The following COL11A1 variants were observed in gnomAD, a reference collection of about 807,000 sequenced individuals.
The protein encoded by COL11A1 is collagen alpha-1(XI) chain.
In COL11A1, 74 loss-of-function variants were observed where a neutral mutation model predicts 265.2. The observed-to-expected ratio is 0.28, with a 90% CI of 0.23 to 0.34. The LOEUF is 0.34. Among genes scored for constraint, COL11A1 ranks in the 10% least tolerant of loss-of-function variants. COL11A1 has a pLI of 1.00. For missense variants in COL11A1, 2,165 were observed against 2,263.6 expected (o/e 0.96, Z 0.88); for synonymous variants, 816 against 727.6 (o/e 1.12, Z -1.96).
intron 1 of COL11A1, among the ~76,000 whole-genome samples, chr1:103,089,396 C>T (rs1304596895): frequency 1.3e-5 from 2 of 152,152 alleles, no homozygotes; most frequent in African/African-American, 2.4e-5. Context: ...TCACCCTACA[C>T]TATTTTGTTC....
chr1:103,060,672 A>G (rs1361291064), intron 4 of COL11A1, among the ~76,000 whole-genome samples: 1 of 152,156 alleles, frequency 6.6e-6, no homozygotes, highest in East Asian at 1.9e-4. Context: ...GTTCATATTT[A>G]AAAACCTAGC....
In COL11A1 at chr1:103,034,718, T is replaced by C. The variant is rs538839765; in HGVS notation, c.652-3474A>G. Among the ~76,000 whole-genome samples, 41 of 152,178 alleles carry C rather than the reference T, an allele frequency of 2.7e-4. No individual in the cohort carries two copies. In the South Asian group the frequency reaches 8.3e-3, roughly 31 times the overall value. The stretch of plus-strand genomic sequence containing the variant: ...TCAAGGACAGATCCTCTTAACTGTT[T>C]TGCTTTGCTTTTTACTTTGTATGGC... On this transcript the variant is annotated intron_variant, in intron 4 of 66. Coordinates refer to ENST00000370096, the MANE Select transcript of COL11A1 (RefSeq NM_001854.4).
chr1:103,021,229 C>T (rs1417725485), intron 9 of COL11A1, among the ~76,000 whole-genome samples: 2 of 151,096 alleles, frequency 1.3e-5, no homozygotes, highest in Admixed American at 6.6e-5. Flanking sequence ...ATTAGAGATT[C>T]TTCTGTAGAT....
At chr1:103,059,402 A>G (rs1212230802) in intron 4 of COL11A1, among the ~76,000 whole-genome samples, 1 of 151,438 alleles carries the variant, frequency 6.6e-6, no homozygotes, top group Non-Finnish European at 1.5e-5. Flanking sequence ...ACACATAGCT[A>G]AGGGCTTATT....
intron 4 of COL11A1, among the ~76,000 whole-genome samples, chr1:103,034,851 G>T (rs921757073): frequency 1.3e-5 from 2 of 151,694 alleles, no homozygotes; most frequent in Non-Finnish European, 2.9e-5. Flanking sequence ...CTCCCCTTCC[G>T]CCAGGCCTAC....
intron 49 of COL11A1, among the ~76,000 whole-genome samples, chr1:102,917,374 C>T (rs1262315671): frequency 6.6e-6 from 1 of 151,808 alleles, no homozygotes; most frequent in East Asian, 1.9e-4. Context: ...AGACCTGAAA[C>T]TATAAAAATA....
At chr1:103,008,624 TCA>T in intron 14 of COL11A1, 108 bp from the exon 15 acceptor site, 1 of 976,448 alleles carries the variant, frequency 1.0e-6, no homozygotes, top group Non-Finnish European at 1.6e-6. Flanking sequence ...ATATATTTAA[TCA>T]TATTAGCATT....
chr1:102,969,119 T>C (rs1163391075), intron 37 of COL11A1, among the ~76,000 whole-genome samples: 1 of 152,190 alleles, frequency 6.6e-6, no homozygotes, highest in African/African-American at 2.4e-5. Flanking sequence ...TTTTTTCTTT[T>C]GTCTCACTAA....
chr1:103,070,974 G>A (rs2102261140), intron 4 of COL11A1, among the ~76,000 whole-genome samples: 1 of 151,912 alleles, frequency 6.6e-6, no homozygotes, highest in East Asian at 1.9e-4. Flanking sequence ...TCTCAAAAAA[G>A]TTTGCTAATC....
chr1:103,051,939 T>A (rs891747570), intron 4 of COL11A1, among the ~76,000 whole-genome samples: 2 of 152,192 alleles, frequency 1.3e-5, no homozygotes, highest in Admixed American at 6.5e-5. Context: ...TGAAAGATAG[T>A]TAAAGTCCTC....
chr1:102,898,266 A>T, intron 56 of COL11A1, 88 bp from the exon 57 acceptor site: 1 of 584,142 alleles, frequency 1.7e-6, no homozygotes. Flanking sequence ...ATACAATAAG[A>T]AAACAAAGGA....
intron 43 of COL11A1, among the ~76,000 whole-genome samples, chr1:102,939,843 T>C (rs1368813254): frequency 3.3e-5 from 5 of 152,130 alleles, no homozygotes; most frequent in African/African-American, 1.2e-4. Flanking sequence ...AATATAATGA[T>C]GTATTCAATT....
At chr1:102,979,856 A>T (rs1204325057) in intron 31 of COL11A1, among the ~76,000 whole-genome samples, 1 of 152,166 alleles carries the variant, frequency 6.6e-6, no homozygotes, top group African/African-American at 2.4e-5. Context: ...TCCTGAATTA[A>T]TATTATCATA....
At position 102,989,318 on chromosome 1, in the gene COL11A1, T is replaced by G. The variant is rs181328837; in HGVS notation, c.2394+200A>C. On this transcript the variant is annotated intron_variant, in intron 29 of 66. Coordinates refer to ENST00000370096, the MANE Select transcript of COL11A1 (RefSeq NM_001854.4). ...TTATGGAACCTATGGAAATATAACA[T>G]CTAAAAGACAATTGATACTACACTA... Among the ~76,000 whole-genome samples, 93 of 152,064 alleles carry G rather than the reference T, an allele frequency of 6.1e-4. 1 individual carries two copies. Among genetic ancestry groups the G allele is most frequent in the African/African-American group, 2.2e-3 (92 of 41,510 alleles).
At chr1:103,047,357 C>T (rs1223773672) in intron 4 of COL11A1, among the ~76,000 whole-genome samples, 1 of 152,080 alleles carries the variant, frequency 6.6e-6, no homozygotes, top group African/African-American at 2.4e-5. Flanking sequence ...GTATTTTATT[C>T]TCTTTGTAAA....
intron 43 of COL11A1, among the ~76,000 whole-genome samples, chr1:102,939,693 A>ACT (rs10646157): frequency 0.51 from 77,587 of 151,136 alleles, 21,436 homozygotes; most frequent in East Asian, 0.86. Flanking sequence ...ACAAAAAAAG[A>ACT]CTCTCTCTCT....
chr1:102,932,943 C>T (rs1657665128), intron 46 of COL11A1, among the ~76,000 whole-genome samples: 1 of 148,254 alleles, frequency 6.7e-6, no homozygotes, highest in Non-Finnish European at 1.5e-5. Flanking sequence ...TCAGCTCCAT[C>T]AGCTCCTTTA....
At chr1:103,039,146 T>G (rs903118519) in intron 4 of COL11A1, among the ~76,000 whole-genome samples, 2 of 152,210 alleles carry the variant, frequency 1.3e-5, no homozygotes, top group African/African-American at 4.8e-5. Context: ...CTTTTATTTA[T>G]TTTTGAACTG....
At chr1:103,022,119 G>A (rs112648035) in intron 8 of COL11A1, among the ~76,000 whole-genome samples, 5,668 of 151,186 alleles carry the variant, frequency 0.037, 366 homozygotes, top group African/African-American at 0.13. Context: ...GCCTCCCAAA[G>A]TGCTAGGATT....
Sources: allele counts gnomAD v4.1 joint callset (sites outside exome capture counted in the v4.1 genomes callset), GRCh38; gene constraint gnomAD v4.1.1; transcripts MANE v1.5; gene names NCBI Gene and HGNC (gene_info 2026-07-23, HGNC 2026-07-21).